Variants in DZIP1L observed in about 807,000 individuals in gnomAD.
DZIP1L encodes the protein cilium assembly protein DZIP1L.
Under a neutral mutation model 88.7 loss-of-function variants are expected in DZIP1L, and 90 were observed. That is an observed-to-expected ratio of 1.02 (90% confidence interval 0.86 to 1.21). The LOEUF is 1.21. Among genes scored for constraint, DZIP1L ranks in the 50% most tolerant of loss-of-function variants. The probability of loss-of-function intolerance (pLI) is 0.00; values close to 1 mark genes in which losing one functional copy is unlikely to be tolerated. For synonymous variants in DZIP1L, 363 were observed against 372.1 expected, an observed-to-expected ratio of 0.98 and a Z score of 0.28; for missense variants, 932 against 955.8, an observed-to-expected ratio of 0.98 and a Z score of 0.33.
At chr3:138,071,921 C>A in intron 11 of DZIP1L, 86 bp from the exon 12 acceptor site, 1 of 1,335,882 alleles carries the variant, frequency 7.5e-7, no homozygotes. Context: ...TGCTGCTGGC[C>A]TGGGAGTCTG....
chr3:138,067,823 GC>G, intron 13 of DZIP1L, 123 bp from the exon 14 acceptor site: 2 of 1,177,280 alleles, frequency 1.7e-6, no homozygotes, highest in Non-Finnish European at 2.3e-6. Context: ...CCTCCCTCAG[GC>G]CCAGAAGACA....
Position 138,071,627 on chromosome 3 carries a change from C to T in DZIP1L, c.1615+16G>A. 1 of 1,606,908 alleles carries T rather than the reference C, an allele frequency of 6.2e-7. No homozygotes were observed. The highest frequency in any genetic ancestry group is 8.5e-7 in the Non-Finnish European group (1 of 1,176,042). On this transcript the variant is annotated intron_variant, in intron 12 of 15. Coordinates refer to ENST00000327532, the MANE Select transcript of DZIP1L (RefSeq NM_173543.3). ...TTACAGGTCACAGCCCTGAGCAAGCCCTCTCCCCAGTGTACCTGAAGGCTG... is the reference window on the plus strand; with the variant it reads ...TTACAGGTCACAGCCCTGAGCAAGCTCTCTCCCCAGTGTACCTGAAGGCTG...
intron 1 of DZIP1L, among the ~76,000 whole-genome samples, chr3:138,105,167 G>C (rs1051184850): frequency 6.6e-6 from 1 of 151,904 alleles, no homozygotes; most frequent in Non-Finnish European, 1.5e-5. Flanking sequence ...CTGTTTTAAT[G>C]ACATATTAAT....
rs772375697 is a variant in DZIP1L at position 138,092,396 on chromosome 3, G to C, written c.857C>G (p.Ser286Cys). 1 of 1,590,450 alleles carries C rather than the reference G, an allele frequency of 6.3e-7. No homozygotes were observed. ...DEFKNVAKQN[S>C]TLEEKLRALQ... is the part of the protein sequence containing the mutation. Reference sequence around the variant, plus strand: ...TATGTTGGGTACCTCTTCTAGTGTAGAGTTCTGCTTGGCGACATTTTTAAA... The same window carrying C: ...TATGTTGGGTACCTCTTCTAGTGTACAGTTCTGCTTGGCGACATTTTTAAA... Residue 286 changes from serine to cysteine, a missense_variant, in exon 5 of 16, where the codon TCT becomes TGT. Transcript: ENST00000327532.
At chr3:138,068,798 C>A (rs1943038252) in intron 12 of DZIP1L, among the ~76,000 whole-genome samples, 1 of 152,338 alleles carries the variant, frequency 6.6e-6, no homozygotes, top group Non-Finnish European at 1.5e-5. Flanking sequence ...CCATCAAGAT[C>A]CACTCAAACC....
At chr3:138,072,354 C>G (rs1016678301) in intron 11 of DZIP1L, among the ~76,000 whole-genome samples, 4 of 152,188 alleles carry the variant, frequency 2.6e-5, no homozygotes, top group Non-Finnish European at 4.4e-5. Context: ...AGGGAGGCAT[C>G]TGAATCCAAG....
At position 138,081,719 on chromosome 3, in the gene DZIP1L, T is replaced by C. The variant is rs1943662353; in HGVS notation, c.1234+15A>G. The C allele has an allele frequency of 1.2e-6, 2 of 1,612,014 alleles. No homozygotes were observed. Among genetic ancestry groups the C allele is most frequent in the Non-Finnish European group, 1.7e-6 (2 of 1,178,964 alleles). The stretch of plus-strand genomic sequence containing the variant: ...TAGTCAAGACTGCTACACACTGCCC[T>C]GTGTAGACACTTACCTTCCACCTTC... On this transcript the variant is annotated intron_variant, in intron 9 of 15. Transcript: ENST00000327532.
chr3:138,099,196 C>T (rs1455125990), intron 2 of DZIP1L, among the ~76,000 whole-genome samples: 1 of 152,228 alleles, frequency 6.6e-6, no homozygotes, highest in Non-Finnish European at 1.5e-5. Flanking sequence ...GGTCCTAAAA[C>T]ACTTACAACA....
At chr3:138,077,426 A>G in intron 11 of DZIP1L, 73 bp downstream of exon 11, 1 of 1,582,138 alleles carries the variant, frequency 6.3e-7, no homozygotes, top group South Asian at 1.2e-5. Flanking sequence ...ACAATCGATC[A>G]TTTGTCTGTC....
chr3:138,100,817 C>T (rs567277862), intron 2 of DZIP1L, among the ~76,000 whole-genome samples: 1 of 152,212 alleles, frequency 6.6e-6, no homozygotes, highest in Non-Finnish European at 1.5e-5. Flanking sequence ...CAGGGCCTAG[C>T]CACCATGACA....
intron 3 of DZIP1L, among the ~76,000 whole-genome samples, chr3:138,096,435 TA>T (rs1211506292): frequency 6.6e-6 from 1 of 152,148 alleles, no homozygotes; most frequent in African/African-American, 2.4e-5. Context: ...ATTCAGCCAT[TA>T]AAAAATCACA....
intron 1 of DZIP1L, among the ~76,000 whole-genome samples, chr3:138,114,915 A>C (rs1327564682): frequency 6.6e-6 from 1 of 152,162 alleles, no homozygotes; most frequent in Non-Finnish European, 1.5e-5. Flanking sequence ...AAATCACCTC[A>C]TTACTAAAAG....
intron 1 of DZIP1L, among the ~76,000 whole-genome samples, chr3:138,104,886 A>G (rs1443054953): frequency 1.3e-5 from 2 of 152,246 alleles, no homozygotes; most frequent in Admixed American, 1.3e-4. Context: ...ATCAATGGGA[A>G]TTTTGAACAT....
chr3:138,087,947 T>C (rs563890475), intron 6 of DZIP1L, among the ~76,000 whole-genome samples: 1 of 152,374 alleles, frequency 6.6e-6, no homozygotes, highest in African/African-American at 2.4e-5. Flanking sequence ...AAATCGGCCA[T>C]GCTGGGAGTA....
chr3:138,102,890 A>G, intron 2 of DZIP1L: 2 of 630,662 alleles, frequency 3.2e-6, no homozygotes, highest in Non-Finnish European at 5.7e-6. Flanking sequence ...GGCACCTTGT[A>G]GGACTTCTGG....
chr3:138,104,029 T>C lies in DZIP1L; in HGVS notation c.-58A>G. The C allele has an allele frequency of 6.4e-7, 1 of 1,550,746 alleles. No individual in the cohort carries two copies. Among genetic ancestry groups the C allele is most frequent in the Non-Finnish European group, 8.6e-7 (1 of 1,158,658 alleles). On this transcript the variant is annotated 5_prime_UTR_variant, in exon 2 of 16. Transcript: ENST00000327532. ...GAGGGGGGCACCAAGGCCACGGCAG[T>C]AGGCCAAGGAGCTGAGAGAAGGCCT...
chr3:138,088,436 C>T lies in DZIP1L; in HGVS notation c.942G>A (p.Glu314=), dbSNP rs773340101. The T allele has an allele frequency of 1.2e-6, 2 of 1,614,040 alleles. No homozygotes were observed. The highest frequency in any genetic ancestry group is 1.7e-6 in the Non-Finnish European group (2 of 1,179,950). ...KLGSLRDEES[E]EWLRQARELQ... The stretch of plus-strand genomic sequence containing the variant: ...GCTCCCGTGCCTGCCGAAGCCACTC[C>T]TCTGACTCCTCATCTCGCAGTGATC... The change falls in exon 6 of 16, where the codon GAG becomes GAA. Residue 314 remains glutamate (E), a synonymous_variant. Transcript: ENST00000327532.
intron 2 of DZIP1L, chr3:138,102,422 C>G: frequency 7.0e-7 from 1 of 1,418,998 alleles, no homozygotes; most frequent in African/African-American, 1.4e-5. Context: ...TGCATGTTGC[C>G]AAGCTCTGCC....
intron 1 of DZIP1L, among the ~76,000 whole-genome samples, chr3:138,112,922 G>A (rs2042641863): frequency 1.3e-5 from 2 of 151,520 alleles, no homozygotes; most frequent in African/African-American, 4.9e-5. Flanking sequence ...ACTCCAGCCT[G>A]GGCGACAGAG....
Sources: gnomAD v4.1 joint callset for allele counts (sites outside exome capture counted in the v4.1 genomes callset) on GRCh38, gnomAD v4.1.1 for gene constraint, MANE v1.5 for transcripts, NCBI Gene and HGNC (gene_info 2026-07-23, HGNC 2026-07-21) for gene names.